HECW2: variants seen among roughly 807,000 people sequenced by gnomAD.
HECW2 encodes E3 ubiquitin-protein ligase HECW2.
A neutral mutation model predicts 175.2 loss-of-function variants in HECW2; 61 were observed. The ratio of observed to expected loss-of-function variants is 0.35; its 90% CI spans 0.28 to 0.43. The LOEUF (loss-of-function observed/expected upper bound fraction) is 0.43, where lower values mean the gene tolerates loss of function less well. Among genes scored for constraint, HECW2 ranks in the 20% least tolerant of loss-of-function variants. The pLI, the probability that HECW2 is intolerant of heterozygous loss-of-function variation, is 1.00. For synonymous variants in HECW2, 671 were observed against 731.0 expected (o/e 0.92, Z 1.32); for missense variants, 1,524 against 2,000.5 (o/e 0.76, Z 4.54).
intron 21 of HECW2, among the ~76,000 whole-genome samples, chr2:196,230,142 C>T (rs1339245630): frequency 6.6e-6 from 1 of 152,152 alleles, no homozygotes; most frequent in African/African-American, 2.4e-5. Flanking sequence ...CTCCCAGGAT[C>T]GGTGGGACTA....
chr2:196,277,656 G>T (rs1690008946), intron 15 of HECW2, among the ~76,000 whole-genome samples: 1 of 152,050 alleles, frequency 6.6e-6, no homozygotes, highest in African/African-American at 2.4e-5. Flanking sequence ...AAATCATGCT[G>T]CTATAAAGAC....
intron 13 of HECW2, among the ~76,000 whole-genome samples, chr2:196,295,294 G>GA (rs74510779): frequency 0.24 from 36,526 of 152,052 alleles, 4,637 homozygotes; most frequent in Middle Eastern, 0.35. Flanking sequence ...GGCAGTGTCA[G>GA]AAAAAACCTA....
In HECW2 at chr2:196,320,483, T is replaced by C. The variant is rs866302846; in HGVS notation, c.885-44A>G. 34 of 1,338,992 alleles carry C rather than the reference T, an allele frequency of 2.5e-5. 1 individual carries two copies. The Middle Eastern group carries it at 5.9e-3, about 234-fold the overall frequency. 82.9% of individuals were successfully genotyped at this position (1,338,992 alleles called of 1,614,324 possible). ...TTCTTTCATCCTGACTACGCTGGAG[T>C]CAGCCTTCGCCGTCTTTCCACAGGC... On this transcript the variant is annotated intron_variant, in intron 7 of 28. Coordinates refer to ENST00000644978, the MANE Select transcript of HECW2 (RefSeq NM_001348768.2).
At chr2:196,440,301 T>G (rs1176565563) in intron 1 of HECW2, among the ~76,000 whole-genome samples, 1 of 152,220 alleles carries the variant, frequency 6.6e-6, no homozygotes, top group Non-Finnish European at 1.5e-5. Flanking sequence ...TTACTTTACA[T>G]AACTTAGGCC....
At position 196,442,451 on chromosome 2, in the gene HECW2, G is replaced by A. The variant is rs543654758; in HGVS notation, c.-35-8993C>T. 2.6e-5 allele frequency among the ~76,000 whole-genome samples: 4 copies of A among 152,194 alleles called. No individual in the cohort carries two copies. The East Asian group carries it at 5.8e-4, about 22-fold the overall frequency. Reference sequence around the variant, plus strand: ...CCTTAGGCCCAGTGATTCATTTCCAGGGCTCTACCCTAAGGAAAGAAGCAG... The same window carrying A: ...CCTTAGGCCCAGTGATTCATTTCCAAGGCTCTACCCTAAGGAAAGAAGCAG... On this transcript the variant is annotated intron_variant, in intron 1 of 28. Coordinates refer to ENST00000644978, the MANE Select transcript of HECW2 (RefSeq NM_001348768.2).
chr2:196,326,803 C>A (rs767636593), intron 5 of HECW2, among the ~76,000 whole-genome samples: 1 of 152,060 alleles, frequency 6.6e-6, no homozygotes, highest in Non-Finnish European at 1.5e-5. Context: ...AAGGAAAAGA[C>A]GGGTAAAGAA....
intron 2 of HECW2, among the ~76,000 whole-genome samples, chr2:196,377,563 C>A (rs990818242): frequency 6.6e-6 from 1 of 152,144 alleles, no homozygotes; most frequent in African/African-American, 2.4e-5. Context: ...ATCATGAGAA[C>A]AGCATGGGAA....
chr2:196,351,806 T>C (rs1250453859), intron 2 of HECW2, among the ~76,000 whole-genome samples: 1 of 152,222 alleles, frequency 6.6e-6, no homozygotes, highest in Non-Finnish European at 1.5e-5. Flanking sequence ...ATTAGATGCC[T>C]GTCTGGAATT....
At chr2:196,514,845 G>A (rs1030902222) in intron 1 of HECW2, among the ~76,000 whole-genome samples, 5 of 152,262 alleles carry the variant, frequency 3.3e-5, no homozygotes, top group East Asian at 1.9e-4. Flanking sequence ...CCAGTTGTCC[G>A]CACACCTCAT....
intron 1 of HECW2, among the ~76,000 whole-genome samples, chr2:196,582,972 G>C (rs1299445783): frequency 1.3e-5 from 2 of 152,138 alleles, no homozygotes; most frequent in African/African-American, 2.4e-5. Context: ...ACTCCACAAG[G>C]CTACCATGCA....
In HECW2 at chr2:196,318,932, A is replaced by C. The variant is rs771205915; in HGVS notation, c.1958T>G (p.Leu653Arg). The C allele has an allele frequency of 6.2e-7, 1 of 1,602,678 alleles. No individual in the cohort carries two copies. Among genetic ancestry groups the C allele is most frequent in the South Asian group, 1.1e-5 (1 of 88,550 alleles). The change falls in exon 9 of 29, where the codon CTG (leucine) becomes CGG (arginine). Residue 653 changes from leucine (L) to arginine (R), a missense_variant. By Grantham distance (102) the Leu-to-Arg change is moderately radical (BLOSUM62 -2). Transcript: ENST00000644978. ...GGAGCACCGTGTGTCCACAGAGGACAGCTGCGTGGTCACACTCTCATTGCA... is the reference window on the plus strand; with the variant it reads ...GGAGCACCGTGTGTCCACAGAGGACCGCTGCGTGGTCACACTCTCATTGCA... Reference protein sequence around the residue: ...SSCNESVTTQLSSVDTRCSSL... With the variant: ...SSCNESVTTQRSSVDTRCSSL...
At position 196,423,684 on chromosome 2, in the gene HECW2, T is replaced by TTG. The variant is rs60030164; in HGVS notation, c.292+9446_292+9447dup. Among the ~76,000 whole-genome samples, 263 of 140,042 alleles carry TTG rather than the reference T, an allele frequency of 1.9e-3. 4 individuals are homozygous for TTG. Among genetic ancestry groups the TTG allele is most frequent in the African/African-American group, 6.0e-3 (224 of 37,052 alleles). The allele number at this position is 140,042 out of a possible 152,430, so 91.9% of individuals were successfully genotyped here. A position where few individuals can be genotyped will look rare whatever the true frequency, so the allele number is the denominator to read the frequency against. ...TTTTTAATGAATGTATAGTATTCCA[T>TTG]TGTGTGTGTGTGTGTGTGTGTGTGT... On this transcript the variant is annotated intron_variant, in intron 2 of 28. Transcript: ENST00000644978.
In HECW2 at chr2:196,199,242, G is replaced by A. The variant is rs1686781497; in HGVS notation, c.*2035C>T. On this transcript the variant is annotated 3_prime_UTR_variant, in exon 29 of 29. Coordinates refer to ENST00000644978, the MANE Select transcript of HECW2 (RefSeq NM_001348768.2). ...CTTATAATGAAAAGAATACAAACAA[G>A]TGAAAAGTTTGCAAAATTAAATATA... is the stretch of plus-strand genomic sequence containing the variant. 1 of 152,520 alleles carries A rather than the reference G, an allele frequency of 6.6e-6. No individual in the cohort carries two copies. The highest frequency in any genetic ancestry group is 2.1e-4 in the South Asian group (1 of 4,828). 9.4% of individuals were successfully genotyped at this position (152,520 alleles called of 1,614,324 possible).
At position 196,445,074 on chromosome 2, in the gene HECW2, T is replaced by C. The variant is rs574887046; in HGVS notation, c.-35-11616A>G. 1.2e-3 allele frequency among the ~76,000 whole-genome samples: 179 copies of C among 152,344 alleles called. 2 individuals are homozygous for C. The highest frequency in any genetic ancestry group is 3.9e-3 in the African/African-American group (161 of 41,582). ...GCACCCAGCCAGAAGGCAACATTCCTATATGTCAATTCCAGTTGTCTTTTT... is the reference window on the plus strand; with the variant it reads ...GCACCCAGCCAGAAGGCAACATTCCCATATGTCAATTCCAGTTGTCTTTTT... On this transcript the variant is annotated intron_variant, in intron 1 of 28. Coordinates refer to ENST00000644978, the MANE Select transcript of HECW2 (RefSeq NM_001348768.2).
chr2:196,248,597 G>GAC (rs35800907), intron 19 of HECW2, among the ~76,000 whole-genome samples: 13,790 of 143,768 alleles, frequency 0.096, 780 homozygotes, highest in Non-Finnish European at 0.14. Flanking sequence ...GAGACAGACA[G>GAC]ACACACACAC....
chr2:196,448,637 C>A (rs1696257141), intron 1 of HECW2, among the ~76,000 whole-genome samples: 1 of 152,206 alleles, frequency 6.6e-6, no homozygotes. Context: ...CACTTTCTCA[C>A]TCTCATTTGT....
At chr2:196,409,058 T>G (rs1695037810) in intron 2 of HECW2, among the ~76,000 whole-genome samples, 1 of 152,218 alleles carries the variant, frequency 6.6e-6, no homozygotes, top group African/African-American at 2.4e-5. Context: ...AAATTGGCCA[T>G]GGTAGAAGTA....
At position 196,430,733 on chromosome 2, in the gene HECW2, C is replaced by A. The variant is rs370762493; in HGVS notation, c.292+2399G>T. Among the ~76,000 whole-genome samples the A allele has an allele frequency of 9.5e-4, 145 of 152,028 alleles. 2 individuals carry two copies. The Middle Eastern group carries it at 0.024, about 25-fold the overall frequency. On this transcript the variant is annotated intron_variant, in intron 2 of 28. Coordinates refer to ENST00000644978, the MANE Select transcript of HECW2 (RefSeq NM_001348768.2). Reference sequence around the variant, plus strand: ...TTGAAGATAGATAAATAGAAATTATCAAATTTGAATATCAAAGAGGAAAGA... The same window carrying A: ...TTGAAGATAGATAAATAGAAATTATAAAATTTGAATATCAAAGAGGAAAGA...
intron 28 of HECW2, among the ~76,000 whole-genome samples, chr2:196,205,649 TA>T (rs1348449450): frequency 6.6e-6 from 1 of 152,174 alleles, no homozygotes; most frequent in Non-Finnish European, 1.5e-5. Flanking sequence ...AAGGATACTT[TA>T]GAGTGTATCA....
Sources: allele counts gnomAD v4.1 joint callset (sites outside exome capture counted in the v4.1 genomes callset), GRCh38; gene constraint gnomAD v4.1.1; transcripts MANE v1.5; gene names NCBI Gene and HGNC (gene_info 2026-07-23, HGNC 2026-07-21).